OPCML: variants seen among roughly 807,000 people sequenced by gnomAD.
The protein encoded by OPCML is opioid-binding protein/cell adhesion molecule.
In OPCML, 13 loss-of-function variants were observed where a neutral mutation model predicts 37.8. The observed-to-expected ratio is 0.34, with a 90% CI of 0.22 to 0.55. The LOEUF is 0.55. Ranked by LOEUF, OPCML falls within the 20% of genes least tolerant of loss-of-function variation. OPCML has a pLI of 0.91. For synonymous variants in OPCML, 176 were observed against 168.8 expected, an observed-to-expected ratio of 1.04 and a Z score of -0.33; for missense variants, 341 against 435.6, an observed-to-expected ratio of 0.78 and a Z score of 1.93.
intron 1 of OPCML, among the ~76,000 whole-genome samples, chr11:133,429,700 T>A (rs1349386519): frequency 6.6e-6 from 1 of 152,136 alleles, no homozygotes; most frequent in Non-Finnish European, 1.5e-5. Flanking sequence ...CAAGAGTGAC[T>A]CCTAAATGTT....
At chr11:133,230,929 C>G (rs1381748333) in intron 1 of OPCML, among the ~76,000 whole-genome samples, 1 of 152,148 alleles carries the variant, frequency 6.6e-6, no homozygotes, top group African/African-American at 2.4e-5. Context: ...CTTCTGGGAG[C>G]CTGTGATTCA....
intron 2 of OPCML, among the ~76,000 whole-genome samples, chr11:132,741,024 G>T (rs1565823873): frequency 6.6e-6 from 1 of 152,164 alleles, no homozygotes; most frequent in East Asian, 1.9e-4. Flanking sequence ...CATCCACTGG[G>T]TGCCAGCATG....
chr11:132,580,764 TC>T (rs1306208021), intron 3 of OPCML, among the ~76,000 whole-genome samples: 1 of 152,152 alleles, frequency 6.6e-6, no homozygotes, highest in Non-Finnish European at 1.5e-5. Flanking sequence ...TTTACTCACT[TC>T]TCAGTGGCTT....
At chr11:133,071,728 T>G (rs1446041195) in intron 1 of OPCML, among the ~76,000 whole-genome samples, 6 of 152,176 alleles carry the variant, frequency 3.9e-5, no homozygotes, top group Admixed American at 3.9e-4. Flanking sequence ...TTTAGGCCCT[T>G]TTATAGTTTA....
chr11:132,683,294 C>T (rs910083201), intron 2 of OPCML, among the ~76,000 whole-genome samples: 30 of 152,010 alleles, frequency 2.0e-4, no homozygotes, highest in African/African-American at 7.0e-4. Context: ...CAGTTACTTA[C>T]GAGGCTGAGG....
At chr11:133,088,522 T>C (rs1396137890) in intron 1 of OPCML, among the ~76,000 whole-genome samples, 1 of 152,196 alleles carries the variant, frequency 6.6e-6, no homozygotes, top group Non-Finnish European at 1.5e-5. Flanking sequence ...AGAAATTTTG[T>C]CATCTGTTTC....
At chr11:132,619,001 C>T (rs565561149) in intron 3 of OPCML, among the ~76,000 whole-genome samples, 2 of 143,286 alleles carry the variant, frequency 1.4e-5, no homozygotes, top group South Asian at 2.3e-4. Flanking sequence ...ACACACACAC[C>T]GTGTTTAGAA....
intron 4 of OPCML, among the ~76,000 whole-genome samples, chr11:132,487,223 T>A (rs1245934913): frequency 6.6e-6 from 1 of 152,220 alleles, no homozygotes; most frequent in African/African-American, 2.4e-5. Flanking sequence ...CAGCCCATCA[T>A]GTACAATGAC....
At chr11:132,430,272 G>A (rs996606711) in intron 7 of OPCML, among the ~76,000 whole-genome samples, 7 of 152,172 alleles carry the variant, frequency 4.6e-5, no homozygotes, top group African/African-American at 1.7e-4. Flanking sequence ...TACAGACATG[G>A]AACGAGAAGA....
At chr11:132,790,361 A>G (rs1335349314) in intron 2 of OPCML, among the ~76,000 whole-genome samples, 2 of 152,250 alleles carry the variant, frequency 1.3e-5, no homozygotes. Context: ...GGAAGAAAAG[A>G]GTTGAAATGT....
chr11:132,483,897 A>G (rs1335888117), intron 4 of OPCML, among the ~76,000 whole-genome samples: 1 of 151,916 alleles, frequency 6.6e-6, no homozygotes, highest in South Asian at 2.1e-4. Context: ...CCTTCCTTAC[A>G]CCTTATACAA....
intron 2 of OPCML, among the ~76,000 whole-genome samples, chr11:132,940,683 G>A (rs1252021314): frequency 6.6e-6 from 1 of 152,162 alleles, no homozygotes; most frequent in Non-Finnish European, 1.5e-5. Context: ...AACAAAAGGA[G>A]AGAGATGGGG....
intron 2 of OPCML, among the ~76,000 whole-genome samples, chr11:132,832,687 C>T (rs1940765446): frequency 6.6e-6 from 1 of 152,212 alleles, no homozygotes; most frequent in Non-Finnish European, 1.5e-5. Context: ...GTGTCACTTA[C>T]TAGCTGAGAT....
chr11:133,443,807 T>C (rs1217562822), intron 1 of OPCML, among the ~76,000 whole-genome samples: 1 of 152,032 alleles, frequency 6.6e-6, no homozygotes, highest in Non-Finnish European at 1.5e-5. Flanking sequence ...ACACCCTGTG[T>C]TTAGAAACAG....
At chr11:133,270,613 G>A (rs1178109622) in intron 1 of OPCML, among the ~76,000 whole-genome samples, 1 of 152,176 alleles carries the variant, frequency 6.6e-6, no homozygotes. Context: ...AATTCAACAT[G>A]GAGGTACACT....
intron 4 of OPCML, among the ~76,000 whole-genome samples, chr11:132,463,249 C>T (rs1424359405): frequency 1.3e-5 from 2 of 152,210 alleles, no homozygotes; most frequent in African/African-American, 4.8e-5. Flanking sequence ...TTTCTCAACA[C>T]TATCACATAC....
chr11:132,918,536 A>G (rs540756328), intron 2 of OPCML, among the ~76,000 whole-genome samples: 1 of 152,328 alleles, frequency 6.6e-6, no homozygotes, highest in East Asian at 1.9e-4. Context: ...TAAAAGTAAA[A>G]ATGAGTGTAT....
At chr11:132,773,361 C>T (rs1946706460) in intron 2 of OPCML, 1 of 152,108 alleles carries the variant, frequency 6.6e-6, no homozygotes, top group Non-Finnish European at 1.5e-5. Context: ...CCCTCCCCCA[C>T]TCCCCCTTTC....
intron 1 of OPCML, among the ~76,000 whole-genome samples, chr11:133,373,239 A>T (rs576414265): frequency 5.3e-5 from 8 of 151,714 alleles, no homozygotes; most frequent in African/African-American, 1.4e-4. Context: ...TTACAAAAAA[A>T]CTTTAACAAA....
Sources: allele counts gnomAD v4.1 joint callset (sites outside exome capture counted in the v4.1 genomes callset), GRCh38; gene constraint gnomAD v4.1.1; transcripts MANE v1.5; gene names NCBI Gene and HGNC (gene_info 2026-07-23, HGNC 2026-07-21).